The following CACNA1D variants were observed in gnomAD, a reference collection of about 807,000 sequenced individuals.
CACNA1D encodes calcium voltage-gated channel subunit alpha1 D.
A neutral mutation model predicts 257.1 loss-of-function variants in CACNA1D; 55 were observed. The observed-to-expected ratio is 0.21, with a 90% CI of 0.17 to 0.27. The LOEUF (loss-of-function observed/expected upper bound fraction) is 0.27. Among genes scored for constraint, CACNA1D ranks in the 10% least tolerant of loss-of-function variants. The pLI is 1.00. For missense variants in CACNA1D, 1,876 were observed against 2,784.0 expected (o/e 0.67, Z 7.34); for synonymous variants, 980 against 1,014.9 (o/e 0.97, Z 0.65).
At chr3:53,548,624 C>T (rs2092465337) in intron 3 of CACNA1D, among the ~76,000 whole-genome samples, 1 of 152,048 alleles carries the variant, frequency 6.6e-6, no homozygotes, top group Non-Finnish European at 1.5e-5. Flanking sequence ...CCATCTGGAT[C>T]CCCCAAACCC....
chr3:53,744,165 C>T (rs1390372413), intron 22 of CACNA1D, among the ~76,000 whole-genome samples: 1 of 152,104 alleles, frequency 6.6e-6, no homozygotes, highest in African/African-American at 2.4e-5. Flanking sequence ...CCTCGCTAAC[C>T]CCTACTCCTC....
At chr3:53,576,525 C>T (rs1350540554) in intron 3 of CACNA1D, among the ~76,000 whole-genome samples, 1 of 152,160 alleles carries the variant, frequency 6.6e-6, no homozygotes, top group African/African-American at 2.4e-5. Flanking sequence ...TTTTCCAGTC[C>T]AGCATTTTGC....
intron 3 of CACNA1D, among the ~76,000 whole-genome samples, chr3:53,576,101 C>T (rs762381376): frequency 3.9e-4 from 60 of 152,132 alleles, no homozygotes; most frequent in Non-Finnish European, 7.2e-4. Context: ...TTTGCCTTAT[C>T]GGCTGTCCTG....
Position 53,762,402 on chromosome 3 carries a change from G to T in CACNA1D, c.3870+321G>T, listed in dbSNP as rs2095308702. 6.7e-5 allele frequency: 29 copies of T among 430,400 alleles called. 2 individuals are homozygous for T. Among genetic ancestry groups the T allele is most frequent in the South Asian group, 5.4e-4 (27 of 50,278 alleles). The allele number at this position is 430,400 out of a possible 1,614,324, so 26.7% of individuals were successfully genotyped here. A position where few individuals can be genotyped will look rare whatever the true frequency, so the allele number is the denominator to read the frequency against. On this transcript the variant is annotated intron_variant, in intron 30 of 47. Transcript: ENST00000350061. ...TGTCAGAAGTGATACCCACAGTGGC[G>T]TATCTATAACATGTTTATTTTAGGG...
At chr3:53,742,831 C>G (rs1559608603) in intron 21 of CACNA1D, among the ~76,000 whole-genome samples, 180 bp from the exon 22 acceptor site, 1 of 152,164 alleles carries the variant, frequency 6.6e-6, no homozygotes, top group Non-Finnish European at 1.5e-5. Context: ...AATAAGCTGC[C>G]CCTTTTTGAT....
At chr3:53,651,947 A>G (rs562113453) in intron 4 of CACNA1D, among the ~76,000 whole-genome samples, 68 of 152,126 alleles carry the variant, frequency 4.5e-4, no homozygotes, top group African/African-American at 1.5e-3. Flanking sequence ...GGTCCTTTCA[A>G]CCTAGGAAGT....
chr3:53,563,662 G>GAGTATATT (rs1337826429), intron 3 of CACNA1D, among the ~76,000 whole-genome samples: 2 of 151,534 alleles, frequency 1.3e-5, no homozygotes, highest in African/African-American at 2.4e-5. Flanking sequence ...GAATTATACT[G>GAGTATATT]AGTATATTCT....
At chr3:53,542,752 G>A (rs1331481835) in intron 3 of CACNA1D, among the ~76,000 whole-genome samples, 1 of 151,964 alleles carries the variant, frequency 6.6e-6, no homozygotes, top group Non-Finnish European at 1.5e-5. Context: ...TGCTACTCAG[G>A]GGCTCTTTAA....
At chr3:53,656,148 T>A (rs1282514690) in intron 4 of CACNA1D, among the ~76,000 whole-genome samples, 2 of 152,210 alleles carry the variant, frequency 1.3e-5, no homozygotes, top group Non-Finnish European at 2.9e-5. Flanking sequence ...GTGTCTGTTT[T>A]TGTATGAGCA....
chr3:53,769,853 G>C (rs1398529589), intron 30 of CACNA1D, 120 bp from the exon 31 acceptor site: 2 of 817,964 alleles, frequency 2.4e-6, no homozygotes, highest in Non-Finnish European at 2.2e-6. Context: ...TCTCAGGGAG[G>C]GAGCAGGTGT....
At chr3:53,696,147 T>C (rs1166333105) in intron 8 of CACNA1D, among the ~76,000 whole-genome samples, 2 of 152,168 alleles carry the variant, frequency 1.3e-5, no homozygotes, top group African/African-American at 4.8e-5. Flanking sequence ...AAAAATTATT[T>C]TGTAGAGATG....
At chr3:53,784,090 G>A (rs997841743) in intron 39 of CACNA1D, among the ~76,000 whole-genome samples, 9 of 152,232 alleles carry the variant, frequency 5.9e-5, no homozygotes, top group African/African-American at 1.9e-4. Context: ...GGAATGAGCT[G>A]TGGATCTGTG....
intron 3 of CACNA1D, among the ~76,000 whole-genome samples, chr3:53,578,958 G>C (rs532498840): frequency 6.6e-6 from 1 of 152,264 alleles, no homozygotes; most frequent in East Asian, 1.9e-4. Context: ...TTTGAGGAAG[G>C]GGGAGTAAAG....
chr3:53,754,347 G>A (rs1209442834), intron 29 of CACNA1D, among the ~76,000 whole-genome samples: 1 of 152,190 alleles, frequency 6.6e-6, no homozygotes, highest in Non-Finnish European at 1.5e-5. Flanking sequence ...GGGCAGTGTA[G>A]TTCAGTGTCA....
chr3:53,776,554 C>T (rs369159669), intron 35 of CACNA1D, 49 bp from the exon 36 acceptor site: 78 of 1,611,884 alleles, frequency 4.8e-5, no homozygotes, highest in Middle Eastern at 1.7e-4. Flanking sequence ...TCAGTTCTAA[C>T]GCAATCCAGC....
At chr3:53,755,806 T>G (rs886688319) in intron 29 of CACNA1D, among the ~76,000 whole-genome samples, 1 of 152,070 alleles carries the variant, frequency 6.6e-6, no homozygotes, top group South Asian at 2.1e-4. Flanking sequence ...TTTCCTGCCC[T>G]TTTTTTCTTG....
intron 3 of CACNA1D, among the ~76,000 whole-genome samples, chr3:53,548,225 G>A (rs1179575561): frequency 6.6e-6 from 1 of 152,114 alleles, no homozygotes; most frequent in Non-Finnish European, 1.5e-5. Context: ...TACCTTTGTG[G>A]CTTAGTTGAT....
intron 21 of CACNA1D, chr3:53,740,623 G>A (rs2095108034): frequency 7.3e-6 from 3 of 408,418 alleles, no homozygotes; most frequent in Non-Finnish European, 1.3e-5. Context: ...TTTTTAAACC[G>A]AAGGATTTTT....
At chr3:53,650,625 G>A (rs534672236) in intron 3 of CACNA1D, among the ~76,000 whole-genome samples, 154 bp from the exon 4 acceptor site, 1 of 152,352 alleles carries the variant, frequency 6.6e-6, no homozygotes, top group Admixed American at 6.5e-5. Context: ...TGGCCCAGGG[G>A]CAGTGTAATT....
Sources: gnomAD v4.1 joint callset for allele counts (sites outside exome capture counted in the v4.1 genomes callset) on GRCh38, gnomAD v4.1.1 for gene constraint, MANE v1.5 for transcripts, NCBI Gene and HGNC (gene_info 2026-07-23, HGNC 2026-07-21) for gene names.